SETD6: variants seen among roughly 807,000 people sequenced by gnomAD.
The protein encoded by SETD6 is N-lysine methyltransferase SETD6.
In SETD6, 67 loss-of-function variants were observed where a neutral mutation model predicts 52.7. The observed-to-expected ratio is 1.27, with a 90% CI of 1.04 to 1.56. The LOEUF is 1.56. Among genes scored for constraint, SETD6 ranks in the 40% most tolerant of loss-of-function variants. The pLI is 0.00. For synonymous variants in SETD6, 307 were observed against 250.2 expected, an observed-to-expected ratio of 1.23 and a Z score of -2.14; for missense variants, 712 against 607.5, an observed-to-expected ratio of 1.17 and a Z score of -1.81.
At position 58,516,570 on chromosome 16, in the gene SETD6, C is replaced by T; in HGVS notation, c.569C>T (p.Ser190Phe). Residue 190 changes from serine (S) to phenylalanine (F), a missense_variant, in exon 4 of 8, where the codon TCC (serine) becomes TTC (phenylalanine). Coordinates refer to ENST00000219315, the MANE Select transcript of SETD6 (RefSeq NM_001160305.4). ...GCCAACATCCGCAGCGAGTACCAGT[C>T]CATCGTGCTGCCCTTCATGGAAGCC... ...DLANIRSEYQ[S>F]IVLPFMEAHP... 1 of 1,614,198 alleles carries T rather than the reference C, an allele frequency of 6.2e-7. No homozygotes were observed. The highest frequency in any genetic ancestry group is 8.5e-7 in the Non-Finnish European group (1 of 1,180,028).
chr16:58,517,506 C>T (rs1410264024), intron 5 of SETD6: 2 of 171,796 alleles, frequency 1.2e-5, no homozygotes, highest in African/African-American at 4.8e-5. Context: ...CGGAGTCTCA[C>T]TGTGTCGCCC....
Position 58,516,205 on chromosome 16 carries a change from G to A in SETD6, c.338G>A (p.Arg113Gln), listed in dbSNP as rs780113702. The A allele has an allele frequency of 3.1e-6, 5 of 1,587,910 alleles. No homozygotes were observed. The highest frequency in any genetic ancestry group is 1.3e-5 in the African/African-American group (1 of 74,190). The change falls in exon 3 of 8, where the codon CGA (arginine) becomes CAA (glutamine). Residue 113 changes from arginine (R) to glutamine (Q), a missense_variant. Transcript: ENST00000219315. ...CSIGGLLERE[R>Q]VALQSQSGWV... ...CTCACACCTGTGTCTTCCTCAGAGC[G>A]AGTTGCGCTGCAGAGCCAGTCGGGC...
At chr16:58,518,274 CTA>C in intron 6 of SETD6, 43 bp downstream of exon 6, 1 of 1,610,436 alleles carries the variant, frequency 6.2e-7, no homozygotes, top group East Asian at 2.2e-5. Context: ...GATGGTGTGT[CTA>C]TACCCATGCC....
chr16:58,522,403 G>A lies in SETD6; in HGVS notation c.*3374G>A, dbSNP rs2039426860. Reference sequence around the variant, plus strand: ...GATTACAAGTCCAAGGAGACTTACTGCAGCTTTATATAAACAAAATGGATC... The same window carrying A: ...GATTACAAGTCCAAGGAGACTTACTACAGCTTTATATAAACAAAATGGATC... On this transcript the variant is annotated 3_prime_UTR_variant, in exon 8 of 8. Coordinates refer to ENST00000219315, the MANE Select transcript of SETD6 (RefSeq NM_001160305.4). 6.6e-6 allele frequency among the ~76,000 whole-genome samples: 1 copy of A among 152,088 alleles called. No individual in the cohort carries two copies. Among genetic ancestry groups the A allele is most frequent in the Non-Finnish European group, 1.5e-5 (1 of 68,026 alleles).
rs758806616 is a variant in SETD6 at position 58,515,895 on chromosome 16, C to T, written c.132C>T (p.Ala44=). Residue 44 remains alanine, a synonymous_variant, in exon 2 of 8, where the codon GCC becomes GCT. Coordinates refer to ENST00000219315, the MANE Select transcript of SETD6 (RefSeq NM_001160305.4). ...LELSPKVSER[A]GGRRTRGGAR... ...TGAGTCCCAAGGTGAGCGAGCGAGC[C>T]GGCGGGCGGAGGACCCGCGGCGGGG... 1.3e-6 allele frequency: 2 copies of T among 1,507,410 alleles called. No homozygotes were observed. The highest frequency in any genetic ancestry group is 1.4e-5 in the African/African-American group (1 of 69,070). The allele number at this position is 1,507,410 out of a possible 1,614,324, so 93.4% of individuals were successfully genotyped here.
chr16:58,517,084 C>T (rs1019791988), intron 5 of SETD6, 156 bp downstream of exon 5: 11 of 1,122,868 alleles, frequency 9.8e-6, no homozygotes, highest in South Asian at 3.8e-5. Flanking sequence ...CATTTGAATG[C>T]GAAACATTTT....
Position 58,516,579 on chromosome 16 carries a change from TG to T in SETD6, c.579del (p.Phe195SerfsTer16), listed in dbSNP as rs2039161924. 6.2e-7 allele frequency: 1 copy of T among 1,614,058 alleles called. No individual in the cohort carries two copies. The highest frequency in any genetic ancestry group is 8.5e-7 in the Non-Finnish European group (1 of 1,180,030). Reference sequence around the variant, plus strand: ...CGCAGCGAGTACCAGTCCATCGTGCTGCCCTTCATGGAAGCCCACCCCGATC... The same window carrying T: ...CGCAGCGAGTACCAGTCCATCGTGCTCCCTTCATGGAAGCCCACCCCGATC... ...NIRSEYQSIV[L>X]PFMEAHPDLF... On this transcript the variant is annotated frameshift_variant, in exon 4 of 8. Transcript: ENST00000219315. LOFTEE classifies it high-confidence loss of function.
rs1166752186 is a variant in SETD6, at chr16:58,521,652, T to C, written c.*2623T>C. Among the ~76,000 whole-genome samples, 3 of 152,284 alleles carry C rather than the reference T, an allele frequency of 2.0e-5. No individual in the cohort carries two copies. Among genetic ancestry groups the C allele is most frequent in the Non-Finnish European group, 4.4e-5 (3 of 68,022 alleles). On this transcript the variant is annotated 3_prime_UTR_variant, in exon 8 of 8. Transcript: ENST00000219315. The stretch of plus-strand genomic sequence containing the variant: ...ACAAAGTTAGTACAAAAAGTAGTAA[T>C]TTCCAGAATGAGCTCCCAGGCCGGG...
At chr16:58,515,502 G>C (rs1329391480), upstream of SETD6, 9 of 1,571,302 alleles carry the variant, frequency 5.7e-6, no homozygotes, top group Admixed American at 1.8e-5. Flanking sequence ...GTGACCGCGC[G>C]GTGCGCCGGC....
chr16:58,520,863 AAGTC>A lies in SETD6; in HGVS notation c.*1837_*1840del, dbSNP rs1433926878. On this transcript the variant is annotated 3_prime_UTR_variant, in exon 8 of 8. Transcript: ENST00000219315. Reference sequence around the variant, plus strand: ...ATACCCACAAACCAAAGGGCTGGGAAAGTCAGGAAGAGCTGAAAGGATTCTTCAG... The same window carrying A: ...ATACCCACAAACCAAAGGGCTGGGAAAGGAAGAGCTGAAAGGATTCTTCAG... 3.1e-6 allele frequency: 4 copies of A among 1,295,048 alleles called. No individual in the cohort carries two copies. In the Admixed American group the frequency reaches 6.8e-5, roughly 22 times the overall value. The allele number at this position is 1,295,048 out of a possible 1,614,324, so 80.2% of individuals were successfully genotyped here. A position where few individuals can be genotyped will look rare whatever the true frequency, so the allele number is the denominator to read the frequency against.
At chr16:58,518,293 T>TA (rs1223211841) in intron 6 of SETD6, 62 bp downstream of exon 6, 5 of 1,605,884 alleles carry the variant, frequency 3.1e-6, no homozygotes, top group East Asian at 2.2e-5. Context: ...TGCCTCAGGT[T>TA]AAATAGCTTT....
In SETD6 at chr16:58,522,408, T is replaced by TA. The variant is rs1371549487; in HGVS notation, c.*3379_*3380insA. Reference sequence around the variant, plus strand: ...CAAGTCCAAGGAGACTTACTGCAGCTTTATATAAACAAAATGGATCATCAT... The same window carrying TA: ...CAAGTCCAAGGAGACTTACTGCAGCTATTATATAAACAAAATGGATCATCAT... On this transcript the variant is annotated 3_prime_UTR_variant, in exon 8 of 8. Transcript: ENST00000219315. Among the ~76,000 whole-genome samples, 4 of 152,162 alleles carry TA rather than the reference T, an allele frequency of 2.6e-5. No individual in the cohort carries two copies. Among genetic ancestry groups the TA allele is most frequent in the African/African-American group, 9.7e-5 (4 of 41,440 alleles).
chr16:58,519,320 G>T lies in SETD6; in HGVS notation c.*291G>T. 1 of 314,390 alleles carries T rather than the reference G, an allele frequency of 3.2e-6. No individual in the cohort carries two copies. Among genetic ancestry groups the T allele is most frequent in the South Asian group, 4.8e-5 (1 of 20,768 alleles). The allele number at this position is 314,390 out of a possible 1,614,324, so 19.5% of individuals were successfully genotyped here. On this transcript the variant is annotated 3_prime_UTR_variant, in exon 8 of 8. Transcript: ENST00000219315. ...CATACGGTAGTAATAAGTAAGTCTT[G>T]TTGTGTTTCAGCATTTAATAATAGA...
chr16:58,522,301 A>G lies in SETD6; in HGVS notation c.*3272A>G, dbSNP rs2039422893. Reference sequence around the variant, plus strand: ...TGCTAGTTCACATGTAAATTGGTAAAATTTTTCCGAATGCCAGTAAGCATT... The same window carrying G: ...TGCTAGTTCACATGTAAATTGGTAAGATTTTTCCGAATGCCAGTAAGCATT... On this transcript the variant is annotated 3_prime_UTR_variant, in exon 8 of 8. Coordinates refer to ENST00000219315, the MANE Select transcript of SETD6 (RefSeq NM_001160305.4). Among the ~76,000 whole-genome samples, 1 of 151,194 alleles carries G rather than the reference A, an allele frequency of 6.6e-6. No homozygotes were observed. The highest frequency in any genetic ancestry group is 1.5e-5 in the Non-Finnish European group (1 of 67,948).
chr16:58,523,317 A>G lies in SETD6; in HGVS notation c.*4288A>G. On this transcript the variant is annotated 3_prime_UTR_variant, in exon 8 of 8. Transcript: ENST00000219315. ...AAAGCATAAAGAGGAAAAAAAAAAG[A>G]TGAAAGGGAGGAGATCCTTTTGAAG... is the stretch of plus-strand genomic sequence containing the variant. The G allele has an allele frequency of 6.8e-7, 1 of 1,472,044 alleles. No individual in the cohort carries two copies. The highest frequency in any genetic ancestry group is 9.2e-7 in the Non-Finnish European group (1 of 1,092,590). The allele number at this position is 1,472,044 out of a possible 1,614,324, so 91.2% of individuals were successfully genotyped here. A position where few individuals can be genotyped will look rare whatever the true frequency, so the allele number is the denominator to read the frequency against.
chr16:58,516,700 A>C, intron 4 of SETD6, 28 bp downstream of exon 4: 1 of 1,610,054 alleles, frequency 6.2e-7, no homozygotes, highest in Middle Eastern at 1.7e-4. Context: ...CTGAGGACGG[A>C]ACCCTTTTCT....
Position 58,521,093 on chromosome 16 carries a change from T to TGCA in SETD6, c.*2065_*2067dup, listed in dbSNP as rs1391392676. 6.2e-7 allele frequency: 1 copy of TGCA among 1,613,402 alleles called. No individual in the cohort carries two copies. The highest frequency in any genetic ancestry group is 8.5e-7 in the Non-Finnish European group (1 of 1,179,512). Reference sequence around the variant, plus strand: ...TTAAAGAGTAGGCCTAACAATACCTTGCATCTCATTCAGCTGACCCAACCT... The same window carrying TGCA: ...TTAAAGAGTAGGCCTAACAATACCTTGCAGCATCTCATTCAGCTGACCCAACCT... On this transcript the variant is annotated 3_prime_UTR_variant, in exon 8 of 8. Transcript: ENST00000219315.
intron 1 of SETD6, 109 bp downstream of exon 1, chr16:58,515,673 CCT>C: frequency 7.1e-7 from 1 of 1,407,318 alleles, no homozygotes. Flanking sequence ...GTCCCGCGCC[CCT>C]CTCCGCTCGT....
chr16:58,516,124 T>TGGGGCGGGGAGGGGC (rs1555491232), intron 2 of SETD6, 27 bp downstream of exon 2: 2 of 402,650 alleles, frequency 5.0e-6, no homozygotes, highest in Non-Finnish European at 6.5e-6. Context: ...GCTAGGGCCC[T>TGGGGCGGGGAGGGGC]GGGGCGGGGC....
Sources: gnomAD v4.1 joint callset for allele counts (sites outside exome capture counted in the v4.1 genomes callset) on GRCh38, gnomAD v4.1.1 for gene constraint, MANE v1.5 for transcripts, NCBI Gene and HGNC (gene_info 2026-07-23, HGNC 2026-07-21) for gene names.